MAP3K2: variants seen among roughly 807,000 people sequenced by gnomAD.
MAP3K2 encodes MAP/ERK kinase kinase 2.
In MAP3K2, 24 loss-of-function variants were observed where a neutral mutation model predicts 80.3. The ratio of observed to expected loss-of-function variants is 0.30; its 90% CI spans 0.22 to 0.42. The LOEUF is 0.42. Among genes scored for constraint, MAP3K2 ranks in the 10% least tolerant of loss-of-function variants. MAP3K2 has a pLI of 1.00. For missense variants in MAP3K2, 608 were observed against 750.1 expected, an observed-to-expected ratio of 0.81 and a Z score of 2.21; for synonymous variants, 244 against 253.7, an observed-to-expected ratio of 0.96 and a Z score of 0.36.
intron 12 of MAP3K2, among the ~76,000 whole-genome samples, chr2:127,320,792 T>C (rs1686004396): frequency 6.6e-6 from 1 of 152,102 alleles, no homozygotes; most frequent in Non-Finnish European, 1.5e-5. Flanking sequence ...TCAGGAAGTA[T>C]ATAAGCCAGA....
At chr2:127,328,029 C>T (rs1472732911) in intron 7 of MAP3K2, among the ~76,000 whole-genome samples, 2 of 152,216 alleles carry the variant, frequency 1.3e-5, no homozygotes, top group African/African-American at 4.8e-5. Flanking sequence ...AATCCCAGCA[C>T]TCTGGGAGGC....
rs1245675007 is a variant in MAP3K2, at chr2:127,387,973, G to A, written c.-587C>T. On this transcript the variant is annotated 5_prime_UTR_variant, in exon 1 of 17. Transcript: ENST00000682094. ...CGGCAGCCACTACACACGGACCCGT[G>A]ACGTCGGGCGTAGCGCGGCGCACGT... 1.0e-6 allele frequency: 1 copy of A among 984,340 alleles called. No homozygotes were observed. The highest frequency in any genetic ancestry group is 1.2e-6 in the Non-Finnish European group (1 of 829,622). The allele number at this position is 984,340 out of a possible 1,614,324, so 61.0% of individuals were successfully genotyped here. A position where few individuals can be genotyped will look rare whatever the true frequency, so the allele number is the denominator to read the frequency against.
In MAP3K2 at chr2:127,318,392, C is replaced by T. The variant is rs543354471; in HGVS notation, c.1046-75G>A. ...AATGGTTAATAACTAAATGAGCATA[C>T]TGCATTAGTGACATCCTTCATTGAA... On this transcript the variant is annotated intron_variant, in intron 12 of 16. Coordinates refer to ENST00000682094, the MANE Select transcript of MAP3K2 (RefSeq NM_001371910.2). 6.5e-5 allele frequency: 75 copies of T among 1,160,860 alleles called. No individual in the cohort carries two copies. In the East Asian group the frequency reaches 1.9e-3, roughly 29 times the overall value. 71.9% of individuals were successfully genotyped at this position (1,160,860 alleles called of 1,614,324 possible).
At chr2:127,386,132 C>T (rs1422670875) in intron 1 of MAP3K2, among the ~76,000 whole-genome samples, 1 of 152,098 alleles carries the variant, frequency 6.6e-6, no homozygotes, top group Non-Finnish European at 1.5e-5. Flanking sequence ...AGGAAAATTA[C>T]AGAGTAATAT....
intron 10 of MAP3K2, 87 bp downstream of exon 10, chr2:127,324,087 C>T (rs949634029): frequency 9.1e-5 from 102 of 1,121,868 alleles, no homozygotes; most frequent in Non-Finnish European, 1.2e-4. Context: ...CTTTATTTGA[C>T]TTTTCAAAAA....
chr2:127,383,444 T>C (rs1000750796), intron 1 of MAP3K2, among the ~76,000 whole-genome samples: 27 of 152,374 alleles, frequency 1.8e-4, no homozygotes, highest in African/African-American at 5.8e-4. Flanking sequence ...TTTTCTTTTT[T>C]TGAAGATTGC....
At chr2:127,328,483 G>A (rs1247658851) in intron 7 of MAP3K2, among the ~76,000 whole-genome samples, 2 of 152,180 alleles carry the variant, frequency 1.3e-5, no homozygotes, top group Non-Finnish European at 2.9e-5. Context: ...ACAATCCCAT[G>A]ATTTAAAGAT....
chr2:127,346,326 A>G (rs1056895766), intron 1 of MAP3K2, among the ~76,000 whole-genome samples: 27 of 151,320 alleles, frequency 1.8e-4, no homozygotes, highest in African/African-American at 6.6e-4. Context: ...TAAAAAGACT[A>G]AATTAGAAAT....
Position 127,323,649 on chromosome 2 carries a change from T to C in MAP3K2, c.838+253A>G, listed in dbSNP as rs1287482375. The stretch of plus-strand genomic sequence containing the variant: ...TTAAAGTTACAGTGAGCTAAGATCA[T>C]GCCACAGCACTCCCGCCTGGGCAAC... On this transcript the variant is annotated intron_variant, in intron 11 of 16. Coordinates refer to ENST00000682094, the MANE Select transcript of MAP3K2 (RefSeq NM_001371910.2). Among the ~76,000 whole-genome samples, 3 of 152,186 alleles carry C rather than the reference T, an allele frequency of 2.0e-5. No homozygotes were observed. The East Asian group carries it at 5.8e-4, about 29-fold the overall frequency.
In MAP3K2 at chr2:127,305,390, C is replaced by T. The variant is rs529912354; in HGVS notation, c.*2189G>A. ...GCAGGGACACCTCATTCTTGTTCTT[C>T]CCTGCAAACTGCTTCAATTTTAAGA... On this transcript the variant is annotated 3_prime_UTR_variant, in exon 17 of 17. Transcript: ENST00000682094. 6.6e-6 allele frequency: 1 copy of T among 152,256 alleles called. No individual in the cohort carries two copies. The highest frequency in any genetic ancestry group is 2.4e-5 in the African/African-American group (1 of 41,574). The allele number at this position is 152,256 out of a possible 1,614,324, so 9.4% of individuals were successfully genotyped here.
intron 14 of MAP3K2, chr2:127,317,026 C>T (rs1685920272): frequency 1.3e-5 from 2 of 149,372 alleles, no homozygotes; most frequent in South Asian, 2.1e-4. Context: ...CACAAGAATG[C>T]TACTAGAGAA....
chr2:127,338,856 C>T, intron 3 of MAP3K2, 76 bp downstream of exon 3: 2 of 973,382 alleles, frequency 2.1e-6, no homozygotes, highest in South Asian at 3.2e-5. Context: ...AAGCTGAACA[C>T]ATTAAACAAG....
intron 1 of MAP3K2, among the ~76,000 whole-genome samples, chr2:127,344,594 A>C (rs1452296600): frequency 6.6e-6 from 1 of 152,018 alleles, no homozygotes; most frequent in Non-Finnish European, 1.5e-5. Flanking sequence ...TGCTTGAGCC[A>C]GGGAGGTCAA....
Position 127,307,532 on chromosome 2 carries a change from A to T in MAP3K2, c.*47T>A. The T allele has an allele frequency of 8.0e-7, 1 of 1,255,590 alleles. No homozygotes were observed. Among genetic ancestry groups the T allele is most frequent in the Non-Finnish European group, 1.1e-6 (1 of 899,226 alleles). 77.8% of individuals were successfully genotyped at this position (1,255,590 alleles called of 1,614,324 possible). On this transcript the variant is annotated 3_prime_UTR_variant, in exon 17 of 17. Coordinates refer to ENST00000682094, the MANE Select transcript of MAP3K2 (RefSeq NM_001371910.2). The surrounding 1 kb of genome is among the most constrained non-coding windows in gnomAD (Gnocchi z 5.4). ...AAAAGTGCAGTCAGAGAGAAGGTGA[A>T]TGAATAGATGGGAGCTAGGTAGAGG...
rs1313943192 is a variant in MAP3K2, at chr2:127,305,902, T to A, written c.*1677A>T. On this transcript the variant is annotated 3_prime_UTR_variant, in exon 17 of 17. Coordinates refer to ENST00000682094, the MANE Select transcript of MAP3K2 (RefSeq NM_001371910.2). ...ACGTGGCAGCTTTTTAACCTTCCCA[T>A]TAGTAGTTAAAATTTTGTTTTGATA... 3 of 151,026 alleles carry A rather than the reference T, an allele frequency of 2.0e-5. No individual in the cohort carries two copies. In the East Asian group the frequency reaches 5.9e-4, roughly 30 times the overall value. 9.4% of individuals were successfully genotyped at this position (151,026 alleles called of 1,614,324 possible).
At chr2:127,336,191 G>C (rs1327088451) in intron 4 of MAP3K2, among the ~76,000 whole-genome samples, 1 of 152,092 alleles carries the variant, frequency 6.6e-6, no homozygotes, top group African/African-American at 2.4e-5. Context: ...ATTTTAAAAA[G>C]GAAATTCTCA....
In MAP3K2 at chr2:127,302,449, AC is replaced by A. The variant is rs1264851340; in HGVS notation, c.*5129del. The stretch of plus-strand genomic sequence containing the variant: ...CCTGCCTCCAACTCTAACCACACAC[AC>A]ACACACACACACATGCATGCAAACG... On this transcript the variant is annotated 3_prime_UTR_variant, in exon 17 of 17. Transcript: ENST00000682094. 1 of 150,488 alleles carries A rather than the reference AC, an allele frequency of 6.6e-6. No individual in the cohort carries two copies. The highest frequency in any genetic ancestry group is 1.5e-5 in the Non-Finnish European group (1 of 67,712). 9.3% of individuals were successfully genotyped at this position (150,488 alleles called of 1,614,324 possible).
chr2:127,382,076 C>T (rs1687256600), intron 1 of MAP3K2, among the ~76,000 whole-genome samples: 1 of 152,116 alleles, frequency 6.6e-6, no homozygotes, highest in Non-Finnish European at 1.5e-5. Context: ...CAACTAAATG[C>T]AATGAATAAA....
chr2:127,338,851 G>T (rs889925085), intron 3 of MAP3K2, 81 bp downstream of exon 3: 2 of 922,472 alleles, frequency 2.2e-6, no homozygotes, highest in Non-Finnish European at 3.3e-6. Flanking sequence ...TGTAAAAGCT[G>T]AACACATTAA....
Sources: allele counts gnomAD v4.1 joint callset (sites outside exome capture counted in the v4.1 genomes callset), GRCh38; gene constraint gnomAD v4.1.1; non-coding constraint Gnocchi (gnomAD v3.1); transcripts MANE v1.5; gene names NCBI Gene and HGNC (gene_info 2026-07-23, HGNC 2026-07-21).